TMEM38A: variants seen among roughly 807,000 people sequenced by gnomAD.
TMEM38A encodes the protein transmembrane protein 38A.
TMEM38A carries 17 observed loss-of-function variants against 28.6 expected under a neutral mutation model. The observed-to-expected ratio is 0.60, with a 90% CI of 0.41 to 0.89. The LOEUF (loss-of-function observed/expected upper bound fraction) is 0.89, where lower values mean the gene tolerates loss of function less well. TMEM38A is among the 40% of genes least tolerant of loss of function. TMEM38A has a pLI of 0.00. For synonymous variants in TMEM38A, 169 were observed against 166.1 expected (o/e 1.02, Z -0.14); for missense variants, 328 against 393.1 (o/e 0.83, Z 1.40).
intron 4 of TMEM38A, among the ~76,000 whole-genome samples, chr19:16,685,130 TA>T (rs1208101513): frequency 6.6e-6 from 1 of 151,978 alleles, no homozygotes; most frequent in Non-Finnish European, 1.5e-5. Flanking sequence ...CTCATGCCTG[TA>T]ATCCCAGCAC....
intron 3 of TMEM38A, among the ~76,000 whole-genome samples, chr19:16,682,186 C>T (rs902314112): frequency 6.6e-6 from 1 of 152,052 alleles, no homozygotes; most frequent in African/African-American, 2.4e-5. Context: ...CAGGTGGGGA[C>T]ATGACTGATT....
In TMEM38A at chr19:16,678,766, CAAAAAAAAA is replaced by C. The variant is rs61142232; in HGVS notation, c.125-1203_125-1195del. Among the ~76,000 whole-genome samples the C allele has an allele frequency of 7.8e-4, 38 of 48,678 alleles. 1 individual carries two copies. The highest frequency in any genetic ancestry group is 2.5e-3 in the African/African-American group (37 of 14,944). The allele number at this position is 48,678 out of a possible 152,430, so 31.9% of individuals were successfully genotyped here. On this transcript the variant is annotated intron_variant, in intron 1 of 5. Coordinates refer to ENST00000187762, the MANE Select transcript of TMEM38A (RefSeq NM_024074.4). ...GGTGATGGGAGTGAAACCCTGTGTC[CAAAAAAAAA>C]AAAAAAAAAAAAAAGTAAAGTGATA...
chr19:16,686,210 C>T, intron 4 of TMEM38A, 78 bp from the exon 5 acceptor site: 2 of 1,006,052 alleles, frequency 2.0e-6, no homozygotes, highest in Non-Finnish European at 3.1e-6. Context: ...GGTGCCAGGG[C>T]AGGGGGGTGT....
intron 1 of TMEM38A, among the ~76,000 whole-genome samples, chr19:16,678,877 G>A (rs912460021): frequency 4.0e-5 from 6 of 151,178 alleles, no homozygotes; most frequent in African/African-American, 1.2e-4. Context: ...GGCTGGGCAC[G>A]GTGACTCATG....
In TMEM38A at chr19:16,661,316, C is replaced by T; in HGVS notation, c.99C>T (p.Ser33=). The part of the protein sequence containing the change: ...PVFDLSYFIV[S]ILYLKYEPGA... ...TCGACCTCAGTTACTTCATCGTCTCCATCCTCTACCTCAAGTATGAGCCAG... is the reference window on the plus strand; with the variant it reads ...TCGACCTCAGTTACTTCATCGTCTCTATCCTCTACCTCAAGTATGAGCCAG... The change falls in exon 1 of 6, where the codon TCC becomes TCT. Residue 33 remains serine, a synonymous_variant. Coordinates refer to ENST00000187762, the MANE Select transcript of TMEM38A (RefSeq NM_024074.4). The surrounding 1 kb of genome is among the most constrained non-coding windows in gnomAD (Gnocchi z 6.5). 6.3e-7 allele frequency: 1 copy of T among 1,596,268 alleles called. No homozygotes were observed. Among genetic ancestry groups the T allele is most frequent in the Non-Finnish European group, 8.5e-7 (1 of 1,171,818 alleles).
chr19:16,674,123 G>A (rs2086739387), intron 1 of TMEM38A, among the ~76,000 whole-genome samples: 1 of 148,956 alleles, frequency 6.7e-6, no homozygotes, highest in Non-Finnish European at 1.5e-5. Context: ...TGTGGTTCAT[G>A]CCTGTAATCC....
intron 1 of TMEM38A, among the ~76,000 whole-genome samples, chr19:16,668,502 C>CAAA (rs1215843373): frequency 2.7e-5 from 2 of 73,704 alleles, no homozygotes; most frequent in African/African-American, 4.0e-5. Context: ...GACTCTGTCT[C>CAAA]AAAAAAAAAA....
intron 3 of TMEM38A, among the ~76,000 whole-genome samples, 197 bp from the exon 4 acceptor site, chr19:16,682,224 G>T (rs113261468): frequency 1.4e-4 from 22 of 152,142 alleles, no homozygotes; most frequent in African/African-American, 4.6e-4. Flanking sequence ...CTCTGAATTT[G>T]CCATATGATC....
chr19:16,688,364 C>A lies in TMEM38A; in HGVS notation c.893C>A (p.Ala298Glu), dbSNP rs1177790280. The change falls in exon 6 of 6, where the codon GCG (alanine) becomes GAG (glutamate). Residue 298 changes from alanine to glutamate, a missense_variant. By Grantham distance (107) the Ala-to-Glu change is moderately radical. Coordinates refer to ENST00000187762, the MANE Select transcript of TMEM38A (RefSeq NM_024074.4). ...EGSRKKKAKKAD is the reference protein window; with the variant it reads ...EGSRKKKAKKED ...TCCAGGAAGAAGAAGGCCAAGAAGG[C>A]GGATTAGGGGGTGGCCCAAGGGGCA... 7 of 1,582,934 alleles carry A rather than the reference C, an allele frequency of 4.4e-6. No homozygotes were observed. Among genetic ancestry groups the A allele is most frequent in the Non-Finnish European group, 6.0e-6 (7 of 1,167,550 alleles).
intron 4 of TMEM38A, among the ~76,000 whole-genome samples, chr19:16,684,015 A>G (rs1254999025): frequency 1.3e-5 from 2 of 151,552 alleles, no homozygotes; most frequent in East Asian, 3.9e-4. Context: ...CTGTAGTCCC[A>G]GCTACATGGG....
At chr19:16,681,158 C>T (rs1311810118) in intron 3 of TMEM38A, among the ~76,000 whole-genome samples, 2 of 152,156 alleles carry the variant, frequency 1.3e-5, no homozygotes, top group Admixed American at 6.6e-5. Flanking sequence ...CATGGTGGCT[C>T]ATGCCTGTAG....
chr19:16,663,583 C>T (rs888487817), intron 1 of TMEM38A, among the ~76,000 whole-genome samples: 1 of 150,602 alleles, frequency 6.6e-6, no homozygotes, highest in Non-Finnish European at 1.5e-5. Context: ...GGCTGGAGTG[C>T]GGTGGCGCCG....
chr19:16,685,323 T>A (rs1599392846), intron 4 of TMEM38A, among the ~76,000 whole-genome samples: 1 of 151,752 alleles, frequency 6.6e-6, no homozygotes. Flanking sequence ...GAGGTGGAGG[T>A]TGCAGGGAGC....
chr19:16,661,170 C>A lies in TMEM38A; in HGVS notation c.-48C>A. 1.7e-6 allele frequency: 2 copies of A among 1,188,348 alleles called. No homozygotes were observed. The highest frequency in any genetic ancestry group is 3.3e-5 in the African/African-American group (2 of 61,500). The allele number at this position is 1,188,348 out of a possible 1,614,324, so 73.6% of individuals were successfully genotyped here. A position where few individuals can be genotyped will look rare whatever the true frequency, so the allele number is the denominator to read the frequency against. ...GCCGGGCCGCGGGCGGCGGGACGGACGAGGCCGGGGCCCCGGGTGGCACCC... is the reference window on the plus strand; with the variant it reads ...GCCGGGCCGCGGGCGGCGGGACGGAAGAGGCCGGGGCCCCGGGTGGCACCC... On this transcript the variant is annotated 5_prime_UTR_variant, in exon 1 of 6. Transcript: ENST00000187762. The surrounding 1 kb of genome is among the most constrained non-coding windows in gnomAD (Gnocchi z 6.5).
chr19:16,688,181 T>C lies in TMEM38A; in HGVS notation c.710T>C (p.Phe237Ser). The change falls in exon 6 of 6, where the codon TTT becomes TCT. Residue 237 changes from phenylalanine to serine, a missense_variant. Transcript: ENST00000187762. Reference sequence around the variant, plus strand: ...GCCACCCACTCACACAGCTCCCCCTTTGATGCCCTGGAGGGCTACATCTGC... The same window carrying C: ...GCCACCCACTCACACAGCTCCCCCTCTGATGCCCTGGAGGGCTACATCTGC... ...LTATHSHSSP[F>S]DALEGYICPV... 6.8e-7 allele frequency: 1 copy of C among 1,476,672 alleles called. No homozygotes were observed. The highest frequency in any genetic ancestry group is 2.6e-5 in the East Asian group (1 of 38,756). The allele number at this position is 1,476,672 out of a possible 1,614,324, so 91.5% of individuals were successfully genotyped here. A position where few individuals can be genotyped will look rare whatever the true frequency, so the allele number is the denominator to read the frequency against.
chr19:16,676,628 T>G (rs2086752674), intron 1 of TMEM38A, among the ~76,000 whole-genome samples: 2 of 152,112 alleles, frequency 1.3e-5, no homozygotes, highest in East Asian at 3.9e-4. Context: ...CTTAGAAGAT[T>G]ACGAAGATAC....
intron 1 of TMEM38A, among the ~76,000 whole-genome samples, chr19:16,670,276 G>GTTTT (rs750785005): frequency 8.7e-6 from 1 of 114,630 alleles, no homozygotes; most frequent in African/African-American, 3.2e-5. Context: ...CCTGTTTTTT[G>GTTTT]TTTTTTTTTT....
chr19:16,679,070 A>G (rs2086766021), intron 1 of TMEM38A, among the ~76,000 whole-genome samples: 2 of 150,846 alleles, frequency 1.3e-5, no homozygotes, highest in South Asian at 4.2e-4. Flanking sequence ...GATCGCTTGA[A>G]CCTGGGAGGC....
chr19:16,685,006 A>G (rs1341318642), intron 4 of TMEM38A, among the ~76,000 whole-genome samples: 1 of 151,168 alleles, frequency 6.6e-6, no homozygotes, highest in African/African-American at 2.4e-5. Flanking sequence ...CCATGATCAG[A>G]CCACTGCACT....
Sources: gnomAD v4.1 joint callset for allele counts (sites outside exome capture counted in the v4.1 genomes callset) on GRCh38, gnomAD v4.1.1 for gene constraint, Gnocchi (gnomAD v3.1) non-coding constraint, MANE v1.5 for transcripts, NCBI Gene and HGNC (gene_info 2026-07-23, HGNC 2026-07-21) for gene names.